ADA: variants seen among roughly 807,000 people sequenced by gnomAD.
ADA encodes the protein adenosine deaminase, also known as adenosine aminohydrolase.
In ADA, 45 loss-of-function variants were observed where a neutral mutation model predicts 49.0. That is an observed-to-expected ratio of 0.92 (90% CI 0.72 to 1.18). The LOEUF (loss-of-function observed/expected upper bound fraction) is 1.18. ADA is among the 50% of genes most tolerant of loss of function. ADA has a pLI of 0.00. For synonymous variants in ADA, 173 were observed against 184.2 expected (o/e 0.94, Z 0.49); for missense variants, 445 against 472.5 (o/e 0.94, Z 0.54).
At chr20:44,622,535 C>G in intron 9 of ADA, 53 bp downstream of exon 9, 1 of 1,606,746 alleles carries the variant, frequency 6.2e-7, no homozygotes, top group Non-Finnish European at 8.5e-7. Flanking sequence ...AGTTTCTTCC[C>G]TCTTTGGCCT....
rs2145324380 is a variant in ADA, at chr20:44,628,964, GC to G, written c.218+82del. The G allele has an allele frequency of 6.9e-6, 11 of 1,595,806 alleles. No homozygotes were observed. The South Asian group carries it at 1.1e-4, about 16-fold the overall frequency. On this transcript the variant is annotated intron_variant, in intron 3 of 11. Transcript: ENST00000372874. ...CTGTGGTTTCAGAGCAACTTCTCTG[GC>G]CCCCACAGGCTGAGGGACAGGCCTG...
At chr20:44,638,565 G>A (rs959885514) in intron 1 of ADA, among the ~76,000 whole-genome samples, 19 of 152,104 alleles carry the variant, frequency 1.2e-4, no homozygotes, top group Admixed American at 5.2e-4. Flanking sequence ...CGACAAGAGC[G>A]AAACTGCATC....
At chr20:44,638,855 A>G (rs2065505292) in intron 1 of ADA, among the ~76,000 whole-genome samples, 1 of 152,256 alleles carries the variant, frequency 6.6e-6, no homozygotes, top group Non-Finnish European at 1.5e-5. Flanking sequence ...GCGAAAAGCT[A>G]GAGGATAGCG....
At chr20:44,623,102 T>C (rs778297154) in intron 6 of ADA, 24 bp from the exon 7 acceptor site, 8 of 1,613,684 alleles carry the variant, frequency 5.0e-6, no homozygotes, top group African/African-American at 1.3e-5. Context: ...AGCCAGGTCA[T>C]GGGTGCCCTA....
Position 44,651,683 on chromosome 20 carries a change from C to T in ADA, c.-76G>A. The T allele has an allele frequency of 7.0e-7, 1 of 1,436,136 alleles. No individual in the cohort carries two copies. The allele number at this position is 1,436,136 out of a possible 1,614,324, so 89.0% of individuals were successfully genotyped here. Reference sequence around the variant, plus strand: ...CTCTGCCGGCTCGGTGGCCGCTCGGCTTTCCCTGGGGCCAGCGGTGGCCGC... The same window carrying T: ...CTCTGCCGGCTCGGTGGCCGCTCGGTTTTCCCTGGGGCCAGCGGTGGCCGC... On this transcript the variant is annotated 5_prime_UTR_variant, in exon 1 of 12. Transcript: ENST00000372874.
intron 8 of ADA, 46 bp from the exon 9 acceptor site, chr20:44,622,698 C>T: frequency 6.2e-7 from 1 of 1,613,502 alleles, no homozygotes; most frequent in Non-Finnish European, 8.5e-7. Flanking sequence ...CCAGGCCATG[C>T]TGATTCCTCC....
chr20:44,639,359 G>C (rs6103796), intron 1 of ADA, among the ~76,000 whole-genome samples: 5 of 151,662 alleles, frequency 3.3e-5, no homozygotes, highest in Non-Finnish European at 7.4e-5. Flanking sequence ...GGGAGGATGC[G>C]GGGGAGGGAG....
rs573495739 is a variant in ADA at position 44,632,428 on chromosome 20, TG to T, written c.96-3260del. 5.3e-5 allele frequency among the ~76,000 whole-genome samples: 8 copies of T among 152,222 alleles called. No homozygotes were observed. The South Asian group carries it at 1.7e-3, about 32-fold the overall frequency. On this transcript the variant is annotated intron_variant, in intron 2 of 11. Transcript: ENST00000372874. ...CCTTTTTGAAAGCTCCTCTGGCTGC[TG>T]CGTGGGAAACAAATTGGAGGGAAGC... is the stretch of plus-strand genomic sequence containing the variant.
intron 1 of ADA, among the ~76,000 whole-genome samples, chr20:44,645,107 G>T (rs1263215822): frequency 6.6e-6 from 1 of 152,146 alleles, no homozygotes. Context: ...CAGGGGCCAG[G>T]TGCGGTGGCT....
At chr20:44,620,634 A>G (rs569762700) in intron 10 of ADA, 2 of 606,306 alleles carry the variant, frequency 3.3e-6, no homozygotes, top group East Asian at 2.9e-5. Flanking sequence ...GAAACCTTTG[A>G]GAGACAGGGT....
chr20:44,636,322 G>A lies in ADA; in HGVS notation c.34-34C>T, dbSNP rs1568851423. ...GGGCAGGGGGAAGAGAGAGAGAAAG[G>A]GAGAGAGAGAACAAATACCTATGAG... On this transcript the variant is annotated intron_variant, in intron 1 of 11. Coordinates refer to ENST00000372874, the MANE Select transcript of ADA (RefSeq NM_000022.4). 3 of 1,536,642 alleles carry A rather than the reference G, an allele frequency of 2.0e-6. No homozygotes were observed. In the Admixed American group the frequency reaches 5.5e-5, roughly 28 times the overall value.
intron 2 of ADA, among the ~76,000 whole-genome samples, chr20:44,630,419 G>A (rs542191044): frequency 3.0e-4 from 46 of 150,940 alleles, no homozygotes; most frequent in Admixed American, 4.0e-4. Context: ...AAAGCACTCC[G>A]AGGAAACAGC....
chr20:44,648,008 T>C lies in ADA; in HGVS notation c.33+3567A>G, dbSNP rs1384211443. On this transcript the variant is annotated intron_variant, in intron 1 of 11. Coordinates refer to ENST00000372874, the MANE Select transcript of ADA (RefSeq NM_000022.4). ...TTGCAGGGACCCAAAATCTTGCCAC[T>C]GCACTCCAGCTTGGGCGACAGAGTG... 1.3e-5 allele frequency among the ~76,000 whole-genome samples: 2 copies of C among 152,042 alleles called. 1 individual carries two copies. Among genetic ancestry groups the C allele is most frequent in the African/African-American group, 4.8e-5 (2 of 41,308 alleles).
At chr20:44,635,973 G>A in intron 2 of ADA, 1 of 543,486 alleles carries the variant, frequency 1.8e-6, no homozygotes, top group Non-Finnish European at 3.3e-6. Context: ...GGGAGAGCAG[G>A]CTCAGGCCTG....
At chr20:44,624,896 C>G (rs939707811) in intron 5 of ADA, among the ~76,000 whole-genome samples, 1 of 152,260 alleles carries the variant, frequency 6.6e-6, no homozygotes. Context: ...GGCTGCACCT[C>G]ACTCCACCTC....
intron 5 of ADA, 117 bp from the exon 6 acceptor site, chr20:44,624,446 A>T (rs904902760): frequency 7.2e-7 from 1 of 1,397,418 alleles, no homozygotes; most frequent in Admixed American, 1.7e-5. Flanking sequence ...AACAGGGCTC[A>T]GTGTCTTCAA....
chr20:44,649,899 C>G (rs1027545751), intron 1 of ADA, among the ~76,000 whole-genome samples: 5 of 152,104 alleles, frequency 3.3e-5, no homozygotes, highest in African/African-American at 1.2e-4. Flanking sequence ...CCATGCCCAG[C>G]TAATTTTTTA....
intron 10 of ADA, chr20:44,620,646 G>C (rs1308562837): frequency 1.7e-6 from 1 of 594,028 alleles, no homozygotes; most frequent in East Asian, 3.0e-5. Flanking sequence ...AGACAGGGTG[G>C]CATGTAGGGG....
chr20:44,626,323 G>T, intron 4 of ADA, 133 bp downstream of exon 4: 1 of 1,262,770 alleles, frequency 7.9e-7, no homozygotes, highest in Non-Finnish European at 1.1e-6. Context: ...TCTTTCTGAG[G>T]CCATGGACCA....
Sources: allele counts gnomAD v4.1 joint callset (sites outside exome capture counted in the v4.1 genomes callset), GRCh38; gene constraint gnomAD v4.1.1; transcripts MANE v1.5; gene names NCBI Gene and HGNC (gene_info 2026-07-23, HGNC 2026-07-21).